The following CEP85L variants were observed in gnomAD, a reference collection of about 807,000 sequenced individuals.
CEP85L encodes the protein centrosomal protein of 85 kDa-like.
A neutral mutation model predicts 100.3 loss-of-function variants in CEP85L; 60 were observed. The observed-to-expected ratio is 0.60, with a 90% CI of 0.49 to 0.74. The LOEUF (loss-of-function observed/expected upper bound fraction) is 0.74. Ranked by LOEUF, CEP85L falls within the 30% of genes least tolerant of loss-of-function variation. The probability of loss-of-function intolerance (pLI) is 0.00; values close to 1 mark genes in which losing one functional copy is unlikely to be tolerated. For synonymous variants in CEP85L, 319 were observed against 322.7 expected, an observed-to-expected ratio of 0.99 and a Z score of 0.12; for missense variants, 973 against 936.2, an observed-to-expected ratio of 1.04 and a Z score of -0.51.
chr6:118,674,504 G>A lies in CEP85L; in HGVS notation c.-27-21696C>T, dbSNP rs529975939. ...GCGCCACTGTACTCCAGCCTGGGCG[G>A]CAGGGTAAGACTCCATCTCAAAAAA... On this transcript the variant is annotated intron_variant, in intron 1 of 13. Transcript: ENST00000368488. Among the ~76,000 whole-genome samples the A allele has an allele frequency of 3.3e-5, 5 of 150,454 alleles. 1 individual carries two copies. Among genetic ancestry groups the A allele is most frequent in the African/African-American group, 1.2e-4 (5 of 40,674 alleles).
At chr6:118,629,638 C>T (rs1440802898) in intron 2 of CEP85L, among the ~76,000 whole-genome samples, 1 of 152,074 alleles carries the variant, frequency 6.6e-6, no homozygotes, top group African/African-American at 2.4e-5. Flanking sequence ...ACTAAATATA[C>T]AAAATTAAAT....
At chr6:118,482,532 TTCTC>T (rs1162955729) in intron 7 of CEP85L, among the ~76,000 whole-genome samples, 2 of 152,200 alleles carry the variant, frequency 1.3e-5, no homozygotes, top group African/African-American at 4.8e-5. Flanking sequence ...GTGTCAGAAT[TTCTC>T]TCCTTGTTAA....
At chr6:118,610,065 CTG>C (rs974372665) in intron 2 of CEP85L, among the ~76,000 whole-genome samples, 36 of 149,704 alleles carry the variant, frequency 2.4e-4, no homozygotes, top group African/African-American at 8.5e-4. Flanking sequence ...ATGATGTAAA[CTG>C]TGCTAAGATA....
chr6:118,501,812 GA>G, intron 5 of CEP85L: 2 of 324,334 alleles, frequency 6.2e-6, no homozygotes, highest in East Asian at 6.8e-5. Context: ...TGCTGGCTGA[GA>G]GAGAGAGAGA....
chr6:118,584,516 T>C (rs1041856813), intron 2 of CEP85L, among the ~76,000 whole-genome samples: 1 of 152,176 alleles, frequency 6.6e-6, no homozygotes, highest in African/African-American at 2.4e-5. Context: ...CAAAAGGCCT[T>C]TGACCAGCTA....
At chr6:118,514,867 T>A (rs1342427654) in intron 4 of CEP85L, among the ~76,000 whole-genome samples, 2 of 151,848 alleles carry the variant, frequency 1.3e-5, no homozygotes, top group Non-Finnish European at 2.9e-5. Context: ...GGCAGCGGTG[T>A]GATTAGAGCT....
rs747593968 is a variant in CEP85L, at chr6:118,566,057, G to A, written c.492C>T (p.Ala164=). 16 of 1,614,124 alleles carry A rather than the reference G, an allele frequency of 9.9e-6. No individual in the cohort carries two copies. The highest frequency in any genetic ancestry group is 1.4e-5 in the Non-Finnish European group (16 of 1,180,024). The change falls in exon 3 of 13, where the codon GCC becomes GCT. Residue 164 remains alanine, a synonymous_variant. Transcript: ENST00000368491. Reference sequence around the variant, plus strand: ...TGCCACCCTGGCCACAGTTATCCGGGGCAGTGAGTTTGGATAAAGATGACC... The same window carrying A: ...TGCCACCCTGGCCACAGTTATCCGGAGCAGTGAGTTTGGATAAAGATGACC... ...RKWSSLSKLT[A]PDNCGQGGTV...
chr6:118,560,609 A>C (rs1302994196), intron 3 of CEP85L: 1 of 166,996 alleles, frequency 6.0e-6, no homozygotes, highest in Non-Finnish European at 1.5e-5. Flanking sequence ...CTGTAATAGG[A>C]TATAGCTATT....
intron 3 of CEP85L, among the ~76,000 whole-genome samples, chr6:118,526,348 A>G (rs1238280547): frequency 6.6e-6 from 1 of 152,142 alleles, no homozygotes; most frequent in Non-Finnish European, 1.5e-5. Flanking sequence ...TCCAACAAAT[A>G]ACACAGTTAC....
rs1432374079 is a variant in CEP85L, at chr6:118,501,399, C to T, written c.1258-9534G>A. The stretch of plus-strand genomic sequence containing the variant: ...TGGCACAAGGCCCCTCTTGAGAAGA[C>T]AGCCCATGAGACCTAGCTGGGGCCT... On this transcript the variant is annotated intron_variant, in intron 5 of 12. Transcript: ENST00000368491. 1.4e-5 allele frequency: 5 copies of T among 365,966 alleles called. No individual in the cohort carries two copies. In the East Asian group the frequency reaches 3.0e-4, roughly 22 times the overall value. 22.7% of individuals were successfully genotyped at this position (365,966 alleles called of 1,614,324 possible). A position where few individuals can be genotyped will look rare whatever the true frequency, so the allele number is the denominator to read the frequency against.
chr6:118,684,548 T>C (rs985498000), intron 1 of CEP85L, among the ~76,000 whole-genome samples: 1 of 152,198 alleles, frequency 6.6e-6, no homozygotes. Flanking sequence ...TTTACAGATA[T>C]TTTGACACTG....
intron 5 of CEP85L, among the ~76,000 whole-genome samples, chr6:118,497,415 T>C (rs1237701899): frequency 6.6e-6 from 1 of 152,168 alleles, no homozygotes; most frequent in African/African-American, 2.4e-5. Context: ...GATGAGACCG[T>C]CTAGTTGTGG....
intron 6 of CEP85L, among the ~76,000 whole-genome samples, chr6:118,486,332 T>C (rs1388865400): frequency 6.6e-6 from 1 of 152,234 alleles, no homozygotes; most frequent in African/African-American, 2.4e-5. Context: ...GCTAAGTTTT[T>C]CTTTTCAAAG....
chr6:118,608,166 C>T (rs1352053279), intron 2 of CEP85L, among the ~76,000 whole-genome samples: 2 of 152,070 alleles, frequency 1.3e-5, no homozygotes, highest in Admixed American at 1.3e-4. Flanking sequence ...TGTCAATGTT[C>T]AATTTCTTTA....
intron 3 of CEP85L, among the ~76,000 whole-genome samples, chr6:118,527,680 A>C (rs1777057118): frequency 6.6e-6 from 1 of 152,210 alleles, no homozygotes; most frequent in Non-Finnish European, 1.5e-5. Context: ...ACAAAAGAGC[A>C]TTATCACTAA....
Position 118,565,872 on chromosome 6 carries a change from A to G in CEP85L, c.677T>C (p.Leu226Pro). 6.2e-7 allele frequency: 1 copy of G among 1,614,132 alleles called. No homozygotes were observed. Among genetic ancestry groups the G allele is most frequent in the African/African-American group, 1.3e-5 (1 of 75,072 alleles). The change falls in exon 3 of 13, where the codon CTG becomes CCG. Residue 226 changes from leucine to proline, a missense_variant. Transcript: ENST00000368491. ...KEINKKRSST[L>P]DCKYKFESCS... ...GCTCTCAAATTTATACTTGCAGTCC[A>G]GAGTTGATGACCGTTTTTTATTTAT...
chr6:118,568,920 T>A (rs908934281), intron 2 of CEP85L, among the ~76,000 whole-genome samples: 9 of 152,048 alleles, frequency 5.9e-5, no homozygotes, highest in African/African-American at 2.2e-4. Context: ...TATACTAAAA[T>A]CATCATAGCC....
At chr6:118,642,832 A>G (rs949194714) in intron 1 of CEP85L, among the ~76,000 whole-genome samples, 1 of 151,906 alleles carries the variant, frequency 6.6e-6, no homozygotes, top group Non-Finnish European at 1.5e-5. Context: ...CGGAGGTTGC[A>G]GTGAGCCGAG....
intron 10 of CEP85L, among the ~76,000 whole-genome samples, chr6:118,472,065 G>A (rs1418068486): frequency 2.6e-5 from 4 of 151,464 alleles, no homozygotes; most frequent in East Asian, 3.9e-4. Context: ...AACTAAACTC[G>A]AGGGGTGTTT....
Sources: allele counts gnomAD v4.1 joint callset (sites outside exome capture counted in the v4.1 genomes callset), GRCh38; gene constraint gnomAD v4.1.1; transcripts MANE v1.5; gene names NCBI Gene and HGNC (gene_info 2026-07-23, HGNC 2026-07-21).